FAM53B: variants seen among roughly 807,000 people sequenced by gnomAD.
FAM53B encodes the protein family with sequence similarity 53 member B, also known as protein FAM53B.
Under a neutral mutation model 32.7 loss-of-function variants are expected in FAM53B, and 12 were observed. The observed-to-expected ratio is 0.37, with a 90% CI of 0.24 to 0.59. FAM53B has a LOEUF of 0.59. FAM53B is among the 20% of genes least tolerant of loss of function. FAM53B has a pLI of 0.72. For missense variants in FAM53B, 477 were observed against 577.7 expected, an observed-to-expected ratio of 0.83 and a Z score of 1.79; for synonymous variants, 234 against 228.7, an observed-to-expected ratio of 1.02 and a Z score of -0.21.
At chr10:124,662,939 C>T (rs775316128) in intron 4 of FAM53B, among the ~76,000 whole-genome samples, 9 of 152,196 alleles carry the variant, frequency 5.9e-5, no homozygotes, top group Admixed American at 1.3e-4. Context: ...GCTTGGTCAC[C>T]GCACCTCAAG....
chr10:124,669,999 C>T (rs1295044832), intron 4 of FAM53B, among the ~76,000 whole-genome samples: 2 of 152,088 alleles, frequency 1.3e-5, no homozygotes, highest in Non-Finnish European at 2.9e-5. Flanking sequence ...CGAGGGAGGA[C>T]GCCCTGCAAA....
intron 2 of FAM53B, among the ~76,000 whole-genome samples, chr10:124,703,026 A>G (rs1168419088): frequency 6.6e-6 from 1 of 151,976 alleles, no homozygotes; most frequent in Non-Finnish European, 1.5e-5. Flanking sequence ...AGGCCTTACT[A>G]GAAACAGATG....
chr10:124,676,660 G>T (rs1362979691), intron 4 of FAM53B, among the ~76,000 whole-genome samples: 2 of 152,154 alleles, frequency 1.3e-5, no homozygotes, highest in South Asian at 2.1e-4. Flanking sequence ...GCAAAGAGCT[G>T]CGAGTCACTG....
chr10:124,693,319 A>G (rs540654804), intron 3 of FAM53B, among the ~76,000 whole-genome samples: 17 of 151,906 alleles, frequency 1.1e-4, no homozygotes, highest in Non-Finnish European at 2.1e-4. Flanking sequence ...AAAATACAAA[A>G]ATTAGCTGGG....
intron 4 of FAM53B, among the ~76,000 whole-genome samples, chr10:124,634,039 A>G (rs1263894721): frequency 1.3e-5 from 2 of 152,262 alleles, no homozygotes; most frequent in African/African-American, 4.8e-5. Context: ...CAGAGTTACC[A>G]TCAGACCCAG....
chr10:124,723,739 G>T (rs1368124338), intron 1 of FAM53B, among the ~76,000 whole-genome samples: 1 of 151,006 alleles, frequency 6.6e-6, no homozygotes. Flanking sequence ...GGACAGCCCA[G>T]GCCTCTGCAG....
chr10:124,734,897 C>A (rs1950164706), intron 1 of FAM53B, among the ~76,000 whole-genome samples: 1 of 152,220 alleles, frequency 6.6e-6, no homozygotes, highest in Non-Finnish European at 1.5e-5. Context: ...CCAAGCGGCA[C>A]AGCCTGGACC....
intron 1 of FAM53B, among the ~76,000 whole-genome samples, chr10:124,713,070 T>A (rs1292097836): frequency 6.6e-6 from 1 of 152,064 alleles, no homozygotes; most frequent in African/African-American, 2.4e-5. Context: ...CCAGAGCCCA[T>A]CTCCACCCCC....
chr10:124,678,368 C>T (rs1335699974), intron 4 of FAM53B, among the ~76,000 whole-genome samples: 1 of 152,220 alleles, frequency 6.6e-6, no homozygotes, highest in African/African-American at 2.4e-5. Context: ...CATATATAAA[C>T]ACACACCCAT....
intron 4 of FAM53B, among the ~76,000 whole-genome samples, chr10:124,680,195 T>C (rs996871210): frequency 3.3e-5 from 5 of 152,104 alleles, no homozygotes; most frequent in Non-Finnish European, 7.4e-5. Context: ...AGAGCCACAA[T>C]GGAAGAAATG....
At chr10:124,672,192 G>A (rs940189051) in intron 4 of FAM53B, among the ~76,000 whole-genome samples, 16 of 152,386 alleles carry the variant, frequency 1.0e-4, no homozygotes, top group African/African-American at 3.8e-4. Context: ...CATGGTGTCG[G>A]GAAAAGGCCC....
chr10:124,664,462 G>A (rs1213513483), intron 4 of FAM53B, among the ~76,000 whole-genome samples: 1 of 152,228 alleles, frequency 6.6e-6, no homozygotes, highest in Non-Finnish European at 1.5e-5. Flanking sequence ...CAGAGACCTG[G>A]GCTCCAAGCC....
At chr10:124,640,953 G>A (rs763827267) in intron 4 of FAM53B, among the ~76,000 whole-genome samples, 2 of 152,262 alleles carry the variant, frequency 1.3e-5, no homozygotes, top group African/African-American at 2.4e-5. Flanking sequence ...AGCCAGATGG[G>A]AGGAAGGGAC....
chr10:124,628,106 C>T (rs543166317), intron 4 of FAM53B, among the ~76,000 whole-genome samples: 19 of 152,290 alleles, frequency 1.2e-4, no homozygotes, highest in African/African-American at 4.3e-4. Context: ...AGGGTGAACA[C>T]GTAATAGAGA....
intron 1 of FAM53B, among the ~76,000 whole-genome samples, chr10:124,721,329 A>C (rs1950067417): frequency 6.6e-6 from 1 of 152,242 alleles, no homozygotes; most frequent in African/African-American, 2.4e-5. Flanking sequence ...TTCAATTATT[A>C]ATAAATCAAC....
At chr10:124,660,409 T>C (rs1225551471) in intron 4 of FAM53B, among the ~76,000 whole-genome samples, 1 of 152,252 alleles carries the variant, frequency 6.6e-6, no homozygotes, top group African/African-American at 2.4e-5. Context: ...ATTTTCATTG[T>C]AAAAATTACA....
intron 3 of FAM53B, among the ~76,000 whole-genome samples, chr10:124,688,794 GTTC>G (rs1949816818): frequency 6.6e-6 from 1 of 152,184 alleles, no homozygotes; most frequent in African/African-American, 2.4e-5. Context: ...GACCTCAAAT[GTTC>G]TTATTTCCAT....
At chr10:124,660,730 C>T (rs1471032415) in intron 4 of FAM53B, among the ~76,000 whole-genome samples, 3 of 152,274 alleles carry the variant, frequency 2.0e-5, no homozygotes, top group Non-Finnish European at 4.4e-5. Flanking sequence ...GACGTAAGGT[C>T]ATCTAGATCA....
intron 1 of FAM53B, among the ~76,000 whole-genome samples, chr10:124,726,187 T>C (rs184832424): frequency 6.6e-6 from 1 of 152,156 alleles, no homozygotes; most frequent in South Asian, 2.1e-4. Flanking sequence ...CCCTAGTAAC[T>C]GGGAGGACAA....
Sources: allele counts gnomAD v4.1 joint callset (sites outside exome capture counted in the v4.1 genomes callset), GRCh38; gene constraint gnomAD v4.1.1; transcripts MANE v1.5; gene names NCBI Gene and HGNC (gene_info 2026-07-23, HGNC 2026-07-21).